The following GADL1 variants were observed in gnomAD, a reference collection of about 807,000 sequenced individuals.
The protein encoded by GADL1 is GAD like acidic amino acid decarboxylase 1, also known as acidic amino acid decarboxylase GADL1.
Under a neutral mutation model 69.5 loss-of-function variants are expected in GADL1, and 71 were observed. The observed-to-expected ratio is 1.02, with a 90% CI of 0.84 to 1.25. The LOEUF (loss-of-function observed/expected upper bound fraction) is 1.25, where lower values mean the gene tolerates loss of function less well. Ranked by LOEUF, GADL1 falls within the 50% of genes most tolerant of loss-of-function variation. The probability of loss-of-function intolerance (pLI) is 0.00; values close to 1 mark genes in which losing one functional copy is unlikely to be tolerated. For missense variants in GADL1, 737 were observed against 631.8 expected (o/e 1.17, Z -1.79); for synonymous variants, 254 against 214.4 (o/e 1.18, Z -1.62).
chr3:30,868,385 C>T (rs931158821), intron 1 of GADL1, among the ~76,000 whole-genome samples: 3 of 152,070 alleles, frequency 2.0e-5, no homozygotes, highest in African/African-American at 7.2e-5. Context: ...ATTTCCCATG[C>T]TCTGGTCACC....
chr3:30,812,393 G>T (rs6779577), intron 11 of GADL1, among the ~76,000 whole-genome samples: 11 of 152,212 alleles, frequency 7.2e-5, no homozygotes, highest in Non-Finnish European at 1.5e-4. Context: ...GTTCCACGTG[G>T]CTGGGAAGCC....
At chr3:30,804,991 G>C (rs1384007979) in intron 11 of GADL1, among the ~76,000 whole-genome samples, 2 of 152,120 alleles carry the variant, frequency 1.3e-5, no homozygotes, top group Non-Finnish European at 2.9e-5. Flanking sequence ...AGAATGGATT[G>C]GATTATACAG....
intron 12 of GADL1, among the ~76,000 whole-genome samples, chr3:30,795,703 C>G (rs1389169376): frequency 6.6e-6 from 1 of 152,098 alleles, no homozygotes; most frequent in East Asian, 1.9e-4. Flanking sequence ...TACTATAAAT[C>G]TTAATTCTAG....
At position 30,728,121 on chromosome 3, in the gene GADL1, G is replaced by C. The variant is rs1695396532; in HGVS notation, c.*121C>G. The C allele has an allele frequency of 1.2e-6, 1 of 859,346 alleles. No homozygotes were observed. The highest frequency in any genetic ancestry group is 1.8e-6 in the Non-Finnish European group (1 of 541,616). The allele number at this position is 859,346 out of a possible 1,614,324, so 53.2% of individuals were successfully genotyped here. On this transcript the variant is annotated 3_prime_UTR_variant, in exon 15 of 15. Coordinates refer to ENST00000282538, the MANE Select transcript of GADL1 (RefSeq NM_207359.3). ...TTAGCATTTTGGTTTTGCTGGGCCT[G>C]GACTGGGAGTATTCCCTATTTCTCA...
intron 1 of GADL1, among the ~76,000 whole-genome samples, 190 bp from the exon 2 acceptor site, chr3:30,861,955 A>G (rs990516669): frequency 3.3e-5 from 5 of 151,968 alleles, no homozygotes; most frequent in African/African-American, 1.2e-4. Flanking sequence ...AAAATTTTAC[A>G]AAGAAAGCTC....
intron 14 of GADL1, among the ~76,000 whole-genome samples, chr3:30,730,181 C>A (rs1695434527): frequency 1.3e-5 from 2 of 152,268 alleles, no homozygotes; most frequent in South Asian, 2.1e-4. Context: ...CTCTACTATG[C>A]TTATACATAT....
chr3:30,894,319 C>A (rs565252624), intron 1 of GADL1, among the ~76,000 whole-genome samples: 1 of 152,312 alleles, frequency 6.6e-6, no homozygotes, highest in South Asian at 2.1e-4. Context: ...AATCTCAATA[C>A]GCATTTATTT....
chr3:30,886,804 G>A (rs1401432538), intron 1 of GADL1, among the ~76,000 whole-genome samples: 1 of 152,216 alleles, frequency 6.6e-6, no homozygotes, highest in East Asian at 1.9e-4. Flanking sequence ...GCTCCTGGCA[G>A]GCAGCATAAG....
intron 14 of GADL1, among the ~76,000 whole-genome samples, chr3:30,747,920 GA>G (rs542614294): frequency 1.9e-3 from 284 of 152,248 alleles, no homozygotes; most frequent in African/African-American, 6.7e-3. Flanking sequence ...CACTAATGAT[GA>G]GTTTAGCAAA....
chr3:30,834,248 TC>T lies in GADL1; in HGVS notation c.936del (p.Lys313SerfsTer23). On this transcript the variant is annotated frameshift_variant, in exon 10 of 15. Transcript: ENST00000282538. LOFTEE classifies it high-confidence loss of function. The part of the protein sequence containing the change: ...ASWGGSALMS[R>X]KHRKLLHGIH... ...ATGCCATGCAGAAGCTTGCGGTGCTTCCTCGACATCAAAGCTGAGCCACCCC... is the reference window on the plus strand; with the variant it reads ...ATGCCATGCAGAAGCTTGCGGTGCTTCTCGACATCAAAGCTGAGCCACCCC... 3.7e-6 allele frequency: 6 copies of T among 1,612,928 alleles called. No individual in the cohort carries two copies. Among genetic ancestry groups the T allele is most frequent in the Non-Finnish European group, 5.1e-6 (6 of 1,179,218 alleles).
chr3:30,783,880 A>G (rs1174439600), intron 13 of GADL1, among the ~76,000 whole-genome samples: 1 of 152,170 alleles, frequency 6.6e-6, no homozygotes, highest in Non-Finnish European at 1.5e-5. Flanking sequence ...GACTTTAGGA[A>G]GAATATATAA....
intron 14 of GADL1, among the ~76,000 whole-genome samples, chr3:30,762,379 A>G (rs1696158579): frequency 6.6e-6 from 1 of 152,162 alleles, no homozygotes; most frequent in Non-Finnish European, 1.5e-5. Context: ...CGATTTTTGA[A>G]TTGTCAAGCA....
intron 3 of GADL1, 95 bp downstream of exon 3, chr3:30,856,920 G>T: frequency 2.0e-6 from 2 of 978,094 alleles, no homozygotes; most frequent in Non-Finnish European, 2.9e-6. Context: ...CAGATTTCTC[G>T]TTCCATAAGC....
intron 11 of GADL1, among the ~76,000 whole-genome samples, chr3:30,801,750 T>C (rs1383099511): frequency 1.3e-5 from 2 of 152,220 alleles, no homozygotes; most frequent in East Asian, 1.9e-4. Flanking sequence ...TTCATCACGA[T>C]TATAGGGCCT....
intron 11 of GADL1, among the ~76,000 whole-genome samples, chr3:30,828,776 C>T (rs1279582214): frequency 6.6e-6 from 1 of 151,906 alleles, no homozygotes; most frequent in East Asian, 1.9e-4. Flanking sequence ...TATGCATGTA[C>T]ACACATATGC....
chr3:30,888,383 A>C (rs1165734823), intron 1 of GADL1, among the ~76,000 whole-genome samples: 1 of 152,204 alleles, frequency 6.6e-6, no homozygotes, highest in African/African-American at 2.4e-5. Context: ...AATTCAAAAA[A>C]GTTTAATAAA....
intron 14 of GADL1, among the ~76,000 whole-genome samples, chr3:30,732,940 C>A (rs972719063): frequency 1.3e-5 from 2 of 151,964 alleles, no homozygotes; most frequent in African/African-American, 4.8e-5. Context: ...CTTTGTAATC[C>A]CAACTACTAG....
At chr3:30,778,132 T>C in intron 14 of GADL1, 47 bp downstream of exon 14, 1 of 1,042,124 alleles carries the variant, frequency 9.6e-7, no homozygotes, top group Non-Finnish European at 1.5e-6. Context: ...TAATGTACAC[T>C]GAATCTACTT....
At chr3:30,836,668 T>C (rs1261931987) in intron 9 of GADL1, among the ~76,000 whole-genome samples, 2 of 152,058 alleles carry the variant, frequency 1.3e-5, no homozygotes, top group Non-Finnish European at 2.9e-5. Flanking sequence ...AATTGAGATT[T>C]GGCAGCCTCT....
Sources: gnomAD v4.1 joint callset for allele counts (sites outside exome capture counted in the v4.1 genomes callset) on GRCh38, gnomAD v4.1.1 for gene constraint, MANE v1.5 for transcripts, NCBI Gene and HGNC (gene_info 2026-07-23, HGNC 2026-07-21) for gene names.